Variants in LRPPRC observed in about 807,000 individuals in gnomAD.
The protein encoded by LRPPRC is leucine rich pentatricopeptide repeat containing, also known as leucine-rich PPR motif-containing protein, mitochondrial.
LRPPRC carries 120 observed loss-of-function variants against 180.3 expected under a neutral mutation model. The ratio of observed to expected loss-of-function variants is 0.67; its 90% CI spans 0.57 to 0.77. LRPPRC has a LOEUF of 0.77. Among genes scored for constraint, LRPPRC ranks in the 30% least tolerant of loss-of-function variants. LRPPRC has a pLI of 0.00. For missense variants in LRPPRC, 2,012 were observed against 1,657.2 expected (o/e 1.21, Z -3.72); for synonymous variants, 723 against 600.0 (o/e 1.21, Z -3.00).
chr2:43,927,774 AT>A (rs994037635), intron 25 of LRPPRC, among the ~76,000 whole-genome samples: 1 of 152,164 alleles, frequency 6.6e-6, no homozygotes, highest in African/African-American at 2.4e-5. Context: ...AGGACAGCTG[AT>A]TTATATGGCA....
At chr2:43,955,643 G>A (rs987444300) in intron 14 of LRPPRC, among the ~76,000 whole-genome samples, 2 of 152,080 alleles carry the variant, frequency 1.3e-5, no homozygotes, top group African/African-American at 4.8e-5. Context: ...GGGAGGCTAC[G>A]ATGGGAGGAT....
At chr2:43,893,851 T>C (rs1184641108) in intron 36 of LRPPRC, among the ~76,000 whole-genome samples, 1 of 152,190 alleles carries the variant, frequency 6.6e-6, no homozygotes, top group African/African-American at 2.4e-5. Flanking sequence ...CTTGAGTCTG[T>C]TGTCCTCCCA....
intron 1 of LRPPRC, among the ~76,000 whole-genome samples, chr2:43,983,272 A>T (rs1420731935): frequency 6.6e-6 from 1 of 152,070 alleles, no homozygotes; most frequent in Non-Finnish European, 1.5e-5. Context: ...TCTAACATGA[A>T]ATCTGAGGGC....
At chr2:43,890,451 C>T (rs781529501) in intron 36 of LRPPRC, 71 of 406,336 alleles carry the variant, frequency 1.7e-4, no homozygotes, top group South Asian at 8.3e-4. Context: ...CAGTGGCTCA[C>T]GCCTGTAATC....
intron 29 of LRPPRC, among the ~76,000 whole-genome samples, chr2:43,915,224 TCTCTCTCTCACACACACACACA>T (rs1342907340): frequency 1.0e-4 from 10 of 99,590 alleles, no homozygotes; most frequent in African/African-American, 4.3e-4. Context: ...TCTCTCTCTC[TCTCTCTCTCACACACACACACA>T]CACACACACA....
intron 1 of LRPPRC, among the ~76,000 whole-genome samples, chr2:43,986,973 A>G (rs1559065375): frequency 6.6e-6 from 1 of 152,194 alleles, no homozygotes; most frequent in East Asian, 1.9e-4. Flanking sequence ...GGGGAACTCA[A>G]ATTTATCTCC....
intron 11 of LRPPRC, among the ~76,000 whole-genome samples, chr2:43,971,778 T>C (rs1673826829): frequency 6.6e-6 from 1 of 152,002 alleles, no homozygotes; most frequent in Non-Finnish European, 1.5e-5. Context: ...CTAAAGAAAC[T>C]ATAAAGAATA....
chr2:43,971,390 T>C (rs1441809878), intron 11 of LRPPRC, among the ~76,000 whole-genome samples: 1 of 145,976 alleles, frequency 6.9e-6, no homozygotes, highest in Non-Finnish European at 1.5e-5. Context: ...TCTTGGAGGT[T>C]GGTGATGGCT....
chr2:43,984,140 A>G (rs987314786), intron 1 of LRPPRC, among the ~76,000 whole-genome samples: 29 of 152,074 alleles, frequency 1.9e-4, no homozygotes, highest in African/African-American at 6.8e-4. Context: ...AGTTGTTACT[A>G]AACTATCCCC....
chr2:43,971,485 T>TAAAAAAAAAAAAAAAAAAAAAAAA (rs528659622), intron 11 of LRPPRC, among the ~76,000 whole-genome samples: 3 of 62,382 alleles, frequency 4.8e-5, no homozygotes, highest in African/African-American at 1.6e-4. Context: ...TGTGTCACAG[T>TAAAAAAAAAAAAAAAAAAAAAAAA]AAAAAAAAAA....
In LRPPRC at chr2:43,886,559, G is replaced by T. The variant is rs7581308; in HGVS notation, c.*2041C>A. 5 of 152,128 alleles carry T rather than the reference G, an allele frequency of 3.3e-5. No homozygotes were observed. The highest frequency in any genetic ancestry group is 5.9e-5 in the Non-Finnish European group (4 of 68,028). 9.4% of individuals were successfully genotyped at this position (152,128 alleles called of 1,614,324 possible). On this transcript the variant is annotated 3_prime_UTR_variant, in exon 38 of 38. Transcript: ENST00000260665. ...AGCTAGTCCTTTGTAACACCCCCCC[G>T]CTGCTGCCGAGAGGGCTAGATAAGG...
intron 11 of LRPPRC, among the ~76,000 whole-genome samples, chr2:43,972,624 T>A (rs997506345): frequency 6.6e-6 from 1 of 152,220 alleles, no homozygotes; most frequent in Non-Finnish European, 1.5e-5. Flanking sequence ...AACTAGCATA[T>A]TGTTTTCACA....
intron 22 of LRPPRC, among the ~76,000 whole-genome samples, 178 bp from the exon 23 acceptor site, chr2:43,944,072 G>GT (rs1216423498): frequency 2.0e-5 from 3 of 152,032 alleles, no homozygotes; most frequent in Non-Finnish European, 2.9e-5. Context: ...CAATAGCATG[G>GT]TTTTATCATT....
chr2:43,936,345 T>G (rs771605134), intron 23 of LRPPRC, among the ~76,000 whole-genome samples: 6 of 152,174 alleles, frequency 3.9e-5, no homozygotes, highest in Non-Finnish European at 7.4e-5. Flanking sequence ...GTGGTGCAAT[T>G]TGGAATAAGA....
At chr2:43,974,969 T>C in intron 7 of LRPPRC, 122 bp downstream of exon 7, 2 of 1,072,842 alleles carry the variant, frequency 1.9e-6, no homozygotes, top group Non-Finnish European at 2.8e-6. Flanking sequence ...CCATAAATAC[T>C]ACTTTCTGCA....
At chr2:43,939,859 A>G (rs1319725407) in intron 23 of LRPPRC, among the ~76,000 whole-genome samples, 2 of 152,222 alleles carry the variant, frequency 1.3e-5, no homozygotes, top group African/African-American at 4.8e-5. Flanking sequence ...TTTCCAGCCA[A>G]TTGAGTCTAA....
At chr2:43,945,191 C>T in intron 22 of LRPPRC, 141 bp downstream of exon 22, 1 of 665,868 alleles carries the variant, frequency 1.5e-6, no homozygotes, top group Non-Finnish European at 2.7e-6. Context: ...GTCCATGTAG[C>T]TCTGGTTGGA....
At chr2:43,989,468 C>T (rs1674677379) in intron 1 of LRPPRC, among the ~76,000 whole-genome samples, 1 of 152,170 alleles carries the variant, frequency 6.6e-6, no homozygotes, top group Admixed American at 6.5e-5. Context: ...CAGATTGGGA[C>T]CGATAATGTG....
chr2:43,897,619 C>T (rs1302069850), intron 34 of LRPPRC, among the ~76,000 whole-genome samples: 3 of 152,072 alleles, frequency 2.0e-5, no homozygotes, highest in Admixed American at 6.5e-5. Context: ...TCATCTGAAA[C>T]CCCAGTCTAG....
Sources: gnomAD v4.1 joint callset for allele counts (sites outside exome capture counted in the v4.1 genomes callset) on GRCh38, gnomAD v4.1.1 for gene constraint, MANE v1.5 for transcripts, NCBI Gene and HGNC (gene_info 2026-07-23, HGNC 2026-07-21) for gene names.